TMEM63A: variants seen among roughly 807,000 people sequenced by gnomAD.
TMEM63A encodes the protein mechanosensitive cation channel TMEM63A.
In TMEM63A, 76 loss-of-function variants were observed where a neutral mutation model predicts 100.6. That is an observed-to-expected ratio of 0.76 (90% CI 0.63 to 0.91). The LOEUF (loss-of-function observed/expected upper bound fraction) is 0.91, where lower values mean the gene tolerates loss of function less well. Ranked by LOEUF, TMEM63A falls within the 40% of genes least tolerant of loss-of-function variation. The pLI is 0.00. For synonymous variants in TMEM63A, 401 were observed against 401.1 expected (o/e 1.00, Z 0.00); for missense variants, 876 against 1,008.8 (o/e 0.87, Z 1.78).
chr1:225,844,740 G>C, downstream of TMEM63A: 1 of 1,484,290 alleles, frequency 6.7e-7, no homozygotes, highest in East Asian at 2.4e-5. Flanking sequence ...GCCTGCAGGT[G>C]CCCCAGGGGC....
chr1:225,856,032 C>A, intron 17 of TMEM63A, 92 bp from the exon 18 acceptor site: 1 of 1,350,332 alleles, frequency 7.4e-7, no homozygotes. Flanking sequence ...TAAAAACAGG[C>A]CAAAGCTCGA....
In TMEM63A at chr1:225,862,905, C is replaced by CA. The variant is rs1415232012; in HGVS notation, c.747-55dup. 5.8e-6 allele frequency: 9 copies of CA among 1,543,780 alleles called. No homozygotes were observed. Among genetic ancestry groups the CA allele is most frequent in the African/African-American group, 1.4e-5 (1 of 73,148 alleles). ...GACACCGTTGGAAAAGAAAACACCC[C>CA]AAGCAGGAGACGTGCCCACGGATCC... On this transcript the variant is annotated intron_variant, in intron 10 of 24. Coordinates refer to ENST00000366835, the MANE Select transcript of TMEM63A (RefSeq NM_014698.3). The surrounding 1 kb of genome is among the most constrained non-coding windows in gnomAD (Gnocchi z 5.1).
At chr1:225,878,051 A>C (rs549260970) in intron 2 of TMEM63A, among the ~76,000 whole-genome samples, 1 of 152,288 alleles carries the variant, frequency 6.6e-6, no homozygotes, top group African/African-American at 2.4e-5. Context: ...ACCGGGATAA[A>C]CAACCAGGGA....
intron 14 of TMEM63A, chr1:225,860,452 T>C (rs1349986662): frequency 6.4e-6 from 1 of 155,978 alleles, no homozygotes; most frequent in East Asian, 1.9e-4. Context: ...CACCAGATAT[T>C]GAAGACTAAG....
intron 19 of TMEM63A, 35 bp from the exon 20 acceptor site, chr1:225,852,804 T>C (rs922862232): frequency 3.2e-6 from 5 of 1,585,216 alleles, no homozygotes; most frequent in Non-Finnish European, 4.3e-6. Flanking sequence ...CTCATGGACT[T>C]GTTCCACCTC....
rs1218634959 is a variant in TMEM63A at position 225,862,671 on chromosome 1, A to T, written c.828-93T>A. On this transcript the variant is annotated intron_variant, in intron 11 of 24. Coordinates refer to ENST00000366835, the MANE Select transcript of TMEM63A (RefSeq NM_014698.3). The surrounding 1 kb of genome is among the most constrained non-coding windows in gnomAD (Gnocchi z 5.1). ...CAGTTCAACCATCGAACGCCAGGGG[A>T]GAAGGAGGGGTCCAGGGCCTCCCGC... is the stretch of plus-strand genomic sequence containing the variant. 1 of 1,603,300 alleles carries T rather than the reference A, an allele frequency of 6.2e-7. No homozygotes were observed. The highest frequency in any genetic ancestry group is 8.5e-7 in the Non-Finnish European group (1 of 1,173,340).
intron 20 of TMEM63A, among the ~76,000 whole-genome samples, chr1:225,851,922 G>C (rs1669360439): frequency 6.6e-6 from 1 of 152,200 alleles, no homozygotes; most frequent in Non-Finnish European, 1.5e-5. Context: ...TGGTTCTCCT[G>C]CTTACTAACA....
In TMEM63A at chr1:225,862,993, CTT is replaced by C; in HGVS notation, c.747-144_747-143del. Reference sequence around the variant, plus strand: ...CTGTGCCAGCGGAGACCTCTCTTCTCTTTGTCTTTTATCCTCCAAAAGGGGGA... The same window carrying C: ...CTGTGCCAGCGGAGACCTCTCTTCTCTGTCTTTTATCCTCCAAAAGGGGGA... On this transcript the variant is annotated intron_variant, in intron 10 of 24. Coordinates refer to ENST00000366835, the MANE Select transcript of TMEM63A (RefSeq NM_014698.3). The surrounding 1 kb of genome is among the most constrained non-coding windows in gnomAD (Gnocchi z 5.1). 5.4e-6 allele frequency: 4 copies of C among 738,272 alleles called. No homozygotes were observed. The highest frequency in any genetic ancestry group is 2.4e-4 in the Middle Eastern group (1 of 4,250). The allele number at this position is 738,272 out of a possible 1,614,324, so 45.7% of individuals were successfully genotyped here.
intron 6 of TMEM63A, among the ~76,000 whole-genome samples, chr1:225,870,480 G>C (rs1374590523): frequency 6.6e-6 from 1 of 150,630 alleles, no homozygotes; most frequent in African/African-American, 2.4e-5. Flanking sequence ...CACCACATGA[G>C]AGGTAACTAA....
At position 225,857,002 on chromosome 1, in the gene TMEM63A, G is replaced by A; in HGVS notation, c.1393C>T (p.Gln465Ter). ...IHALNNPIIS[Q>*]FFPTLLLWSF... ...CAGAGCAGGAGGGTGGGGAAGAACT[G>A]GCTGATGATCGGGTTCTAGGAGAAA... Residue 465 changes from glutamine to a stop codon, truncating the protein, a stop_gained, in exon 16 of 25, where the codon CAG becomes TAG. Transcript: ENST00000366835. LOFTEE classifies it high-confidence loss of function. The A allele has an allele frequency of 1.9e-6, 3 of 1,583,812 alleles. No individual in the cohort carries two copies. Among genetic ancestry groups the A allele is most frequent in the Non-Finnish European group, 2.6e-6 (3 of 1,170,962 alleles).
Position 225,862,185 on chromosome 1 carries a change from G to A in TMEM63A, c.1085+33C>T. 1 of 1,611,492 alleles carries A rather than the reference G, an allele frequency of 6.2e-7. No homozygotes were observed. Among genetic ancestry groups the A allele is most frequent in the South Asian group, 1.1e-5 (1 of 90,934 alleles). Reference sequence around the variant, plus strand: ...TTATCTGGAGGGGAACAGGGAGTCAGCCAAGAAGGGGTCTGGATGTGCCTA... The same window carrying A: ...TTATCTGGAGGGGAACAGGGAGTCAACCAAGAAGGGGTCTGGATGTGCCTA... On this transcript the variant is annotated intron_variant, in intron 13 of 24. Coordinates refer to ENST00000366835, the MANE Select transcript of TMEM63A (RefSeq NM_014698.3). This position sits in a 1 kb window ranked among gnomAD's most constrained non-coding sequence, Gnocchi z 5.1.
intron 5 of TMEM63A, chr1:225,871,680 C>T (rs1165905951): frequency 1.9e-5 from 7 of 370,582 alleles, no homozygotes; most frequent in Middle Eastern, 7.1e-4. Flanking sequence ...ACATCTGGCT[C>T]ATAATCCAGC....
rs1668934312 is a variant in TMEM63A at position 225,845,793 on chromosome 1, C to T, written c.*1146G>A. 1 of 263,812 alleles carries T rather than the reference C, an allele frequency of 3.8e-6. No homozygotes were observed. Among genetic ancestry groups the T allele is most frequent in the Non-Finnish European group, 7.4e-6 (1 of 135,816 alleles). 16.3% of individuals were successfully genotyped at this position (263,812 alleles called of 1,614,324 possible). On this transcript the variant is annotated 3_prime_UTR_variant, in exon 25 of 25. Coordinates refer to ENST00000366835, the MANE Select transcript of TMEM63A (RefSeq NM_014698.3). Reference sequence around the variant, plus strand: ...GGCCACCACTGCGGGGGCAAGTCAGCGTCAAGAGAGTCCCTGAGTGAGAAG... The same window carrying T: ...GGCCACCACTGCGGGGGCAAGTCAGTGTCAAGAGAGTCCCTGAGTGAGAAG...
intron 17 of TMEM63A, among the ~76,000 whole-genome samples, chr1:225,856,233 C>A (rs1237604039): frequency 6.6e-6 from 1 of 151,844 alleles, no homozygotes; most frequent in East Asian, 2.0e-4. Context: ...CAGGCTGGAA[C>A]TCCTGGGCTC....
At chr1:225,858,313 AG>A (rs1482913130) in intron 15 of TMEM63A, among the ~76,000 whole-genome samples, 1 of 76,210 alleles carries the variant, frequency 1.3e-5, no homozygotes, top group Admixed American at 1.3e-4. Flanking sequence ...TATACAGAAT[AG>A]TTTGTTTTTT....
chr1:225,874,762 G>A lies in TMEM63A; in HGVS notation c.187-395C>T, dbSNP rs1408354661. Among the ~76,000 whole-genome samples the A allele has an allele frequency of 2.6e-5, 4 of 152,312 alleles. No homozygotes were observed. The East Asian group carries it at 5.8e-4, about 22-fold the overall frequency. On this transcript the variant is annotated intron_variant, in intron 3 of 24. Coordinates refer to ENST00000366835, the MANE Select transcript of TMEM63A (RefSeq NM_014698.3). ...AGGTCTGGCCCCAGAGCAGCCCCAG[G>A]AACCAGCATCCTTCTTCACTTTACA...
intron 14 of TMEM63A, 47 bp downstream of exon 14, chr1:225,860,813 C>G (rs1224876898): frequency 6.4e-7 from 1 of 1,550,516 alleles, no homozygotes; most frequent in Non-Finnish European, 8.7e-7. Flanking sequence ...CAGCTCCCAC[C>G]AGGAACCCAG....
At chr1:225,850,604 T>C (rs777756091) in intron 20 of TMEM63A, among the ~76,000 whole-genome samples, 7 of 152,208 alleles carry the variant, frequency 4.6e-5, no homozygotes, top group African/African-American at 7.2e-5. Flanking sequence ...CTTTGTCATT[T>C]AGTCTGTACT....
At chr1:225,861,235 A>G in intron 13 of TMEM63A, 2 of 353,036 alleles carry the variant, frequency 5.7e-6, no homozygotes. Flanking sequence ...TTTTACAGAT[A>G]AGGAAACTGA....
Sources: allele counts gnomAD v4.1 joint callset (sites outside exome capture counted in the v4.1 genomes callset), GRCh38; gene constraint gnomAD v4.1.1; non-coding constraint Gnocchi (gnomAD v3.1); transcripts MANE v1.5; gene names NCBI Gene and HGNC (gene_info 2026-07-23, HGNC 2026-07-21).